Variants in CPEB3 observed in about 807,000 individuals in gnomAD.
The protein encoded by CPEB3 is cytoplasmic polyadenylation element binding protein 3.
In CPEB3, 20 loss-of-function variants were observed where a neutral mutation model predicts 67.2. That is an observed-to-expected ratio of 0.30 (90% CI 0.21 to 0.43). CPEB3 has a LOEUF of 0.43. Ranked by LOEUF, CPEB3 falls within the 20% of genes least tolerant of loss-of-function variation. The probability of loss-of-function intolerance (pLI) is 1.00; values close to 1 mark genes in which losing one functional copy is unlikely to be tolerated. For synonymous variants in CPEB3, 376 were observed against 393.1 expected, an observed-to-expected ratio of 0.96 and a Z score of 0.51; for missense variants, 746 against 968.6, an observed-to-expected ratio of 0.77 and a Z score of 3.05.
chr10:92,081,616 T>C (rs902287319), intron 8 of CPEB3, 115 bp from the exon 9 acceptor site: 29 of 910,666 alleles, frequency 3.2e-5, no homozygotes, highest in Non-Finnish European at 4.1e-5. Flanking sequence ...GGAAAACCCA[T>C]GTTAAGTATC....
intron 4 of CPEB3, among the ~76,000 whole-genome samples, chr10:92,167,041 T>C (rs959869317): frequency 4.6e-5 from 7 of 152,194 alleles, no homozygotes; most frequent in Non-Finnish European, 7.4e-5. Flanking sequence ...CAGGAACCAA[T>C]GTTTGCCAGC....
chr10:92,282,059 C>T (rs2085574282), intron 1 of CPEB3, among the ~76,000 whole-genome samples: 1 of 152,144 alleles, frequency 6.6e-6, no homozygotes, highest in African/African-American at 2.4e-5. Context: ...TAATTCTTTA[C>T]ATATACATTT....
intron 1 of CPEB3, among the ~76,000 whole-genome samples, chr10:92,256,158 C>A (rs1852502469): frequency 6.6e-6 from 1 of 152,090 alleles, no homozygotes; most frequent in Non-Finnish European, 1.5e-5. Context: ...ACTTATTAAT[C>A]CTGCCTCCTA....
intron 1 of CPEB3, among the ~76,000 whole-genome samples, chr10:92,245,716 C>T (rs1386033831): frequency 6.6e-6 from 1 of 152,202 alleles, no homozygotes; most frequent in Non-Finnish European, 1.5e-5. Flanking sequence ...ACCTACCAAA[C>T]TTTTGCCACA....
chr10:92,153,568 G>A (rs932505265), intron 4 of CPEB3, among the ~76,000 whole-genome samples: 1 of 152,096 alleles, frequency 6.6e-6, no homozygotes, highest in Non-Finnish European at 1.5e-5. Flanking sequence ...ATCCCCTGGG[G>A]TCAGGAGTTC....
intron 2 of CPEB3, among the ~76,000 whole-genome samples, chr10:92,237,412 A>G (rs1430450656): frequency 6.6e-6 from 1 of 152,250 alleles, no homozygotes; most frequent in Non-Finnish European, 1.5e-5. Flanking sequence ...TACTGAATCC[A>G]GTCCATTTGG....
At chr10:92,164,498 T>C (rs1392880498) in intron 4 of CPEB3, among the ~76,000 whole-genome samples, 1 of 152,242 alleles carries the variant, frequency 6.6e-6, no homozygotes. Context: ...CAAGCATTAA[T>C]CTCCCTTCTC....
In CPEB3 at chr10:92,057,181, T is replaced by C. The variant is rs576738169; in HGVS notation, c.1870-4742A>G. 3.3e-5 allele frequency among the ~76,000 whole-genome samples: 5 copies of C among 152,290 alleles called. No homozygotes were observed. In the East Asian group the frequency reaches 9.7e-4, roughly 29 times the overall value. ...CTCCTGGGGTCCCCAACTCTAGGAC[T>C]TGACTCTTGAATGGCATTTCTGGAC... On this transcript the variant is annotated intron_variant, in intron 9 of 9. Transcript: ENST00000265997.
chr10:92,182,820 C>T lies in CPEB3; in HGVS notation c.1166-1801G>A, dbSNP rs1414266351. Among the ~76,000 whole-genome samples the T allele has an allele frequency of 7.3e-5, 10 of 137,556 alleles. No homozygotes were observed. In the South Asian group the frequency reaches 9.0e-4, roughly 12 times the overall value. The allele number at this position is 137,556 out of a possible 152,430, so 90.2% of individuals were successfully genotyped here. On this transcript the variant is annotated intron_variant, in intron 3 of 9. Coordinates refer to ENST00000265997, the MANE Select transcript of CPEB3 (RefSeq NM_014912.5). ...CAGCCAGGGCGACAGAGCAAGACTC[C>T]GTCTCAAAAAAAAAAAAAAAAAAAG... is the stretch of plus-strand genomic sequence containing the variant.
intron 1 of CPEB3, among the ~76,000 whole-genome samples, chr10:92,253,562 C>T (rs564043862): frequency 4.6e-5 from 7 of 150,886 alleles, no homozygotes; most frequent in African/African-American, 1.7e-4. Flanking sequence ...TACAGTACTT[C>T]CATAAAGTTT....
intron 7 of CPEB3, among the ~76,000 whole-genome samples, chr10:92,096,009 A>G (rs949648900): frequency 1.4e-5 from 2 of 147,894 alleles, no homozygotes; most frequent in Non-Finnish European, 3.0e-5. Context: ...CTGAGTAGCT[A>G]GAGTGTGCCA....
chr10:92,155,149 C>T lies in CPEB3; in HGVS notation c.1223-10064G>A, dbSNP rs144491061. On this transcript the variant is annotated intron_variant, in intron 4 of 9. Transcript: ENST00000265997. ...ACTTGAACCCGTGAGGCGGAGGTTG[C>T]AGTGAGCCAAGATTATGCCACTGTA... is the stretch of plus-strand genomic sequence containing the variant. Among the ~76,000 whole-genome samples the T allele has an allele frequency of 1.8e-3, 278 of 152,270 alleles. 1 individual carries two copies. Among genetic ancestry groups the T allele is most frequent in the African/African-American group, 6.4e-3 (267 of 41,552 alleles).
chr10:92,065,891 C>T (rs1231071096), intron 9 of CPEB3, among the ~76,000 whole-genome samples: 1 of 151,732 alleles, frequency 6.6e-6, no homozygotes, highest in Non-Finnish European at 1.5e-5. Flanking sequence ...CTCAGGAGCT[C>T]GAGACCAGCC....
At position 92,107,643 on chromosome 10, in the gene CPEB3, C is replaced by G. The variant is rs551766185; in HGVS notation, c.1572+3433G>C. 6.6e-5 allele frequency among the ~76,000 whole-genome samples: 10 copies of G among 152,218 alleles called. No individual in the cohort carries two copies. In the East Asian group the frequency reaches 1.2e-3, roughly 18 times the overall value. On this transcript the variant is annotated intron_variant, in intron 7 of 9. Coordinates refer to ENST00000265997, the MANE Select transcript of CPEB3 (RefSeq NM_014912.5). ...AATGTCTGCCTGCTTCACTGGAACCCTTGCACATGGACACAGCTGTCTTCT... is the reference window on the plus strand; with the variant it reads ...AATGTCTGCCTGCTTCACTGGAACCGTTGCACATGGACACAGCTGTCTTCT...
Position 92,239,701 on chromosome 10 carries a change from G to C in CPEB3, c.650C>G (p.Thr217Ser). Reference protein sequence around the residue: ...AAAYGHQPIMTSKPSSSSAVA... With the variant: ...AAAYGHQPIMSSKPSSSSAVA... ...CGCCGAAGACGAGGACGGCTTGCTG[G>C]TCATGATGGGCTGGTGGCCGTACGC... The change falls in exon 2 of 10, where the codon ACC becomes AGC. Residue 217 changes from threonine (T) to serine (S), a missense_variant. Physicochemically the swap from Thr to Ser is moderately conservative, Grantham distance 58 (BLOSUM62 1). This residue lies in a region of CPEB3 where 643 missense variants were observed against 717.5 expected (regional missense o/e 0.90). Coordinates refer to ENST00000265997, the MANE Select transcript of CPEB3 (RefSeq NM_014912.5). This position sits in a 1 kb window ranked among gnomAD's most constrained non-coding sequence, Gnocchi z 6.0. 6.4e-7 allele frequency: 1 copy of C among 1,568,572 alleles called. No homozygotes were observed. The highest frequency in any genetic ancestry group is 8.6e-7 in the Non-Finnish European group (1 of 1,160,920).
At chr10:92,138,658 C>G (rs756830759) in intron 6 of CPEB3, among the ~76,000 whole-genome samples, 1 of 152,120 alleles carries the variant, frequency 6.6e-6, no homozygotes, top group Non-Finnish European at 1.5e-5. Context: ...TATCATCTCA[C>G]CACAGTTAAA....
chr10:92,092,115 C>T (rs1820390186), intron 7 of CPEB3, among the ~76,000 whole-genome samples, 171 bp from the exon 8 acceptor site: 1 of 152,170 alleles, frequency 6.6e-6, no homozygotes, highest in Non-Finnish European at 1.5e-5. Flanking sequence ...CAATAGAACT[C>T]TTGGGGAATC....
intron 1 of CPEB3, among the ~76,000 whole-genome samples, chr10:92,275,034 C>T (rs1367070068): frequency 6.6e-6 from 1 of 152,182 alleles, no homozygotes; most frequent in Admixed American, 6.5e-5. Context: ...TACCACAATT[C>T]TCTGGGACAG....
chr10:92,274,519 T>C (rs143080197), intron 1 of CPEB3, among the ~76,000 whole-genome samples: 3 of 152,260 alleles, frequency 2.0e-5, no homozygotes, highest in Admixed American at 6.5e-5. Context: ...GGAATATAAG[T>C]ATATGGTCAA....
Sources: gnomAD v4.1 joint callset for allele counts (sites outside exome capture counted in the v4.1 genomes callset) on GRCh38, gnomAD v4.1.1 for gene constraint, gnomAD v4.1.1 regional missense constraint, Gnocchi (gnomAD v3.1) non-coding constraint, MANE v1.5 for transcripts, NCBI Gene and HGNC (gene_info 2026-07-23, HGNC 2026-07-21) for gene names.